NOS2: variants seen among roughly 807,000 people sequenced by gnomAD.
NOS2 encodes the protein nitric oxide synthase 2, also known as nitric oxide synthase, inducible.
NOS2 carries 96 observed loss-of-function variants against 136.0 expected under a neutral mutation model. The observed-to-expected ratio is 0.71, with a 90% CI of 0.60 to 0.84. NOS2 has a LOEUF of 0.84. Ranked by LOEUF, NOS2 falls within the 40% of genes least tolerant of loss-of-function variation. NOS2 has a pLI of 0.00. For missense variants in NOS2, 1,237 were observed against 1,496.9 expected, an observed-to-expected ratio of 0.83 and a Z score of 2.87; for synonymous variants, 539 against 587.5, an observed-to-expected ratio of 0.92 and a Z score of 1.20.
intron 17 of NOS2, 120 bp downstream of exon 17, chr17:27,768,857 A>G (rs1407790668): frequency 1.8e-6 from 2 of 1,122,402 alleles, no homozygotes; most frequent in Non-Finnish European, 2.4e-6. Context: ...CATGCCTGGG[A>G]CCACATCTAC....
In NOS2 at chr17:27,767,734, T is replaced by G. The variant is rs200789218; in HGVS notation, c.2138A>C (p.Gln713Pro). 6.2e-7 allele frequency: 1 copy of G among 1,613,730 alleles called. No individual in the cohort carries two copies. Among genetic ancestry groups the G allele is most frequent in the Admixed American group, 1.7e-5 (1 of 60,018 alleles). The change falls in exon 18 of 27, where the codon CAG becomes CCG. Residue 713 changes from glutamine (Q) to proline (P), a missense_variant. By Grantham distance (76) the Gln-to-Pro change is moderately conservative (BLOSUM62 -1). Around this residue, in one of 3 missense-constraint regions of NOS2, gnomAD observed 782 missense variants for 909.9 expected, o/e 0.86. Transcript: ENST00000313735. ...TWDPHHYRLV[Q>P]DSQPLDLSKA... The stretch of plus-strand genomic sequence containing the variant: ...GCTGAGGTCCAAAGGCTGTGAGTCC[T>G]GCACGAGCCTGTAGTGGTGCGGGTC...
At chr17:27,781,978 G>A (rs1197690078) in intron 7 of NOS2, 37 bp downstream of exon 7, 4 of 1,579,222 alleles carry the variant, frequency 2.5e-6, no homozygotes, top group South Asian at 1.1e-5. Context: ...CTCAGGCAAG[G>A]CAAGCCCCTC....
intron 22 of NOS2, among the ~76,000 whole-genome samples, chr17:27,761,562 C>T (rs1297960048): frequency 1.3e-5 from 2 of 152,214 alleles, no homozygotes; most frequent in African/African-American, 4.8e-5. Flanking sequence ...TACTCCAGTG[C>T]TCCTTCCAAA....
At chr17:27,781,941 C>T (rs1229721035) in intron 7 of NOS2, 74 bp downstream of exon 7, 1 of 1,305,024 alleles carries the variant, frequency 7.7e-7, no homozygotes, top group Non-Finnish European at 1.1e-6. Context: ...CCCCTAGACC[C>T]AAGTGCTGCA....
intron 1 of NOS2, among the ~76,000 whole-genome samples, chr17:27,799,207 G>A (rs1275669065): frequency 6.6e-6 from 1 of 152,160 alleles, no homozygotes; most frequent in Non-Finnish European, 1.5e-5. Flanking sequence ...CTTCATCACT[G>A]GCCACAGGCA....
intron 2 of NOS2, among the ~76,000 whole-genome samples, chr17:27,792,708 G>A (rs1400240373): frequency 1.3e-5 from 2 of 151,292 alleles, no homozygotes; most frequent in Non-Finnish European, 2.9e-5. Flanking sequence ...GCTGGGCGCG[G>A]TGGCTGACAC....
Position 27,798,725 on chromosome 17 carries a change from C to A in NOS2, c.85G>T (p.Glu29Ter), listed in dbSNP as rs372495702. 5 of 1,613,678 alleles carry A rather than the reference C, an allele frequency of 3.1e-6. No individual in the cohort carries two copies. The highest frequency in any genetic ancestry group is 4.2e-6 in the Non-Finnish European group (5 of 1,179,668). ...NGEKDINNNV[E>*]KAPCATSSPV... ...CTGGAGGTGGCACAGGGGGCTTTCT[C>A]CACATTGTTGTTGATGTCTTTTTCC... is the stretch of plus-strand genomic sequence containing the variant. The change falls in exon 2 of 27, where the codon GAG (glutamate) becomes TAG (stop). Residue 29 changes from glutamate (E) to a stop codon, truncating the protein, a stop_gained. Transcript: ENST00000313735. LOFTEE classifies it high-confidence loss of function.
intron 2 of NOS2, among the ~76,000 whole-genome samples, chr17:27,794,820 C>T (rs1168981299): frequency 6.6e-6 from 1 of 152,164 alleles, no homozygotes; most frequent in African/African-American, 2.4e-5. Flanking sequence ...GGTTTCATGA[C>T]ACCTGAACAG....
intron 11 of NOS2, among the ~76,000 whole-genome samples, chr17:27,778,441 G>C (rs1275598408): frequency 6.6e-6 from 1 of 152,204 alleles, no homozygotes; most frequent in African/African-American, 2.4e-5. Flanking sequence ...TCAGCAGAGA[G>C]AGAGACATTG....
At chr17:27,793,786 G>A in intron 2 of NOS2, 1 of 380,848 alleles carries the variant, frequency 2.6e-6, no homozygotes. Context: ...CGCCCCGGGG[G>A]CGGGGCGAGC....
At chr17:27,798,652 A>ATGGG in intron 2 of NOS2, 48 bp downstream of exon 2, 1 of 1,168,754 alleles carries the variant, frequency 8.6e-7, no homozygotes. Context: ...CCGACAGGGC[A>ATGGG]TGGGTGCCCA....
intron 9 of NOS2, among the ~76,000 whole-genome samples, chr17:27,780,103 G>A (rs1908793929): frequency 6.6e-6 from 1 of 152,214 alleles, no homozygotes; most frequent in Admixed American, 6.5e-5. Context: ...CCTCTAGCTT[G>A]AGTGGTCAGA....
chr17:27,778,849 C>A (rs1432738570), intron 10 of NOS2, 33 bp downstream of exon 10: 2 of 1,611,992 alleles, frequency 1.2e-6, no homozygotes, highest in Non-Finnish European at 8.5e-7. Context: ...CAGGCCCACA[C>A]CTTCATCTGG....
At chr17:27,794,348 G>GT (rs755482157) in intron 2 of NOS2, among the ~76,000 whole-genome samples, 1 of 152,198 alleles carries the variant, frequency 6.6e-6, no homozygotes, top group Non-Finnish European at 1.5e-5. Context: ...AGGAGGGATC[G>GT]TAAGCCCCTT....
chr17:27,761,927 G>A (rs1391445814), intron 22 of NOS2, among the ~76,000 whole-genome samples: 1 of 152,158 alleles, frequency 6.6e-6, no homozygotes, highest in Non-Finnish European at 1.5e-5. Flanking sequence ...TGGTCTGGGT[G>A]GCTGTTCTCT....
chr17:27,792,721 G>A (rs1909229483), intron 2 of NOS2, among the ~76,000 whole-genome samples: 1 of 143,792 alleles, frequency 7.0e-6, no homozygotes, highest in African/African-American at 2.6e-5. Context: ...GCTGACACCT[G>A]TCATCTCAGC....
intron 5 of NOS2, among the ~76,000 whole-genome samples, chr17:27,784,217 T>C (rs1908945736): frequency 6.6e-6 from 1 of 151,844 alleles, no homozygotes; most frequent in Non-Finnish European, 1.5e-5. Flanking sequence ...CCAAAGCCTT[T>C]TGAAACAGCA....
intron 18 of NOS2, among the ~76,000 whole-genome samples, chr17:27,767,379 T>A (rs1366959635): frequency 6.6e-6 from 1 of 151,988 alleles, no homozygotes; most frequent in Non-Finnish European, 1.5e-5. Flanking sequence ...GAACTGCAAT[T>A]TCTCCATCTG....
intron 2 of NOS2, among the ~76,000 whole-genome samples, chr17:27,797,584 A>G (rs1442764906): frequency 6.6e-6 from 1 of 152,168 alleles, no homozygotes. Flanking sequence ...TGCTGTACAC[A>G]TCCAGGGGGC....
Sources: allele counts gnomAD v4.1 joint callset (sites outside exome capture counted in the v4.1 genomes callset), GRCh38; gene constraint gnomAD v4.1.1; regional missense constraint gnomAD v4.1.1; transcripts MANE v1.5; gene names NCBI Gene and HGNC (gene_info 2026-07-23, HGNC 2026-07-21).